Variants in NAALADL2 observed in about 807,000 individuals in gnomAD.
NAALADL2 encodes N-acetylated alpha-linked acidic dipeptidase like 2.
In NAALADL2, 76 loss-of-function variants were observed where a neutral mutation model predicts 87.2. That is an observed-to-expected ratio of 0.87 (90% confidence interval 0.72 to 1.05). NAALADL2 has a LOEUF of 1.05. NAALADL2 is among the 50% of genes least tolerant of loss of function. The pLI is 0.00. For missense variants in NAALADL2, 1,089 were observed against 945.8 expected, an observed-to-expected ratio of 1.15 and a Z score of -1.99; for synonymous variants, 354 against 331.0, an observed-to-expected ratio of 1.07 and a Z score of -0.75.
chr3:174,732,749 T>G (rs1168952510), intron 2 of NAALADL2, among the ~76,000 whole-genome samples: 3 of 152,144 alleles, frequency 2.0e-5, no homozygotes, highest in African/African-American at 7.2e-5. Context: ...AGAAGACTGT[T>G]TTAGAAAAAG....
intron 3 of NAALADL2, among the ~76,000 whole-genome samples, chr3:174,840,112 C>G (rs780950917): frequency 1.8e-4 from 27 of 151,450 alleles, no homozygotes; most frequent in Non-Finnish European, 2.5e-4. Context: ...AAATGCCCAT[C>G]AATCAACGAG....
chr3:175,495,653 T>C (rs1251331456), intron 9 of NAALADL2, among the ~76,000 whole-genome samples: 1 of 152,140 alleles, frequency 6.6e-6, no homozygotes, highest in African/African-American at 2.4e-5. Flanking sequence ...GCACACACTT[T>C]ATCGTCATTT....
At chr3:175,335,888 A>G (rs1761919197) in intron 5 of NAALADL2, among the ~76,000 whole-genome samples, 1 of 152,206 alleles carries the variant, frequency 6.6e-6, no homozygotes, top group African/African-American at 2.4e-5. Flanking sequence ...ATTTTTAAGT[A>G]AATTAAAAGT....
chr3:175,725,648 G>A (rs1583024572), intron 11 of NAALADL2, among the ~76,000 whole-genome samples: 1 of 152,136 alleles, frequency 6.6e-6, no homozygotes, highest in East Asian at 1.9e-4. Context: ...AATTTCAAAG[G>A]TGCTAATTAG....
intron 4 of NAALADL2, among the ~76,000 whole-genome samples, chr3:175,321,708 G>A (rs866506778): frequency 0.034 from 4,332 of 128,498 alleles, 228 homozygotes; most frequent in African/African-American, 0.13. Flanking sequence ...CAAACAGAGA[G>A]CCAAATCATG....
At chr3:175,563,971 T>C (rs1411486061) in intron 9 of NAALADL2, among the ~76,000 whole-genome samples, 1 of 152,192 alleles carries the variant, frequency 6.6e-6, no homozygotes, top group African/African-American at 2.4e-5. Context: ...TTTAAGGTTA[T>C]GCGATGATGC....
chr3:175,417,996 A>G lies in NAALADL2; in HGVS notation c.1091-29233A>G, dbSNP rs1714970237. ...GTGTGGAGTTATGGTGAAAGCAAGCAAAATAAGCAGGACAGGTAAAGTAGG... is the reference window on the plus strand; with the variant it reads ...GTGTGGAGTTATGGTGAAAGCAAGCGAAATAAGCAGGACAGGTAAAGTAGG... On this transcript the variant is annotated intron_variant, in intron 5 of 13. Coordinates refer to ENST00000454872, the MANE Select transcript of NAALADL2 (RefSeq NM_207015.3). Among the ~76,000 whole-genome samples, 4 of 152,106 alleles carry G rather than the reference A, an allele frequency of 2.6e-5. No homozygotes were observed. In the South Asian group the frequency reaches 8.3e-4, roughly 31 times the overall value.
At chr3:175,106,058 T>G (rs1028348508) in intron 2 of NAALADL2, among the ~76,000 whole-genome samples, 10 of 152,040 alleles carry the variant, frequency 6.6e-5, no homozygotes, top group Non-Finnish European at 1.2e-4. Flanking sequence ...AATGGTCAAG[T>G]TCAAAGGATT....
chr3:174,617,774 G>T (rs1011004466), intron 2 of NAALADL2, among the ~76,000 whole-genome samples: 3 of 151,686 alleles, frequency 2.0e-5, no homozygotes, highest in African/African-American at 7.2e-5. Context: ...ATTTACCAAG[G>T]ATAATTTATA....
At chr3:175,652,224 C>T (rs1437851713) in intron 11 of NAALADL2, among the ~76,000 whole-genome samples, 1 of 152,082 alleles carries the variant, frequency 6.6e-6, no homozygotes, top group African/African-American at 2.4e-5. Context: ...CTAGTATCCC[C>T]TTTTCAGACA....
At chr3:175,755,068 C>CA (rs879131188) in intron 12 of NAALADL2, among the ~76,000 whole-genome samples, 152 bp from the exon 13 acceptor site, 23 of 150,378 alleles carry the variant, frequency 1.5e-4, no homozygotes, top group South Asian at 8.4e-4. Context: ...TGTCAAGTGA[C>CA]AAAAAAAAAG....
At chr3:174,984,513 T>C (rs1033590358) in intron 1 of NAALADL2, among the ~76,000 whole-genome samples, 1 of 152,160 alleles carries the variant, frequency 6.6e-6, no homozygotes, top group African/African-American at 2.4e-5. Context: ...TTATTGTCAG[T>C]GCAAAACCCA....
intron 2 of NAALADL2, among the ~76,000 whole-genome samples, chr3:175,233,687 C>T (rs774331218): frequency 6.6e-6 from 1 of 152,104 alleles, no homozygotes; most frequent in Non-Finnish European, 1.5e-5. Flanking sequence ...ATCCTCCCTC[C>T]TTAGCATCCT....
chr3:174,758,215 T>C (rs1712399460), intron 3 of NAALADL2, among the ~76,000 whole-genome samples: 1 of 152,226 alleles, frequency 6.6e-6, no homozygotes, highest in Admixed American at 6.5e-5. Flanking sequence ...CGTTTTAGAA[T>C]ATTTTCTTTC....
intron 1 of NAALADL2, among the ~76,000 whole-genome samples, chr3:175,011,237 A>G (rs1459065397): frequency 6.9e-6 from 1 of 145,934 alleles, no homozygotes; most frequent in African/African-American, 2.7e-5. Flanking sequence ...TCAGCCACAG[A>G]GAGAGGGAGA....
chr3:175,111,217 C>T (rs941311230), intron 2 of NAALADL2, among the ~76,000 whole-genome samples: 7 of 151,562 alleles, frequency 4.6e-5, no homozygotes, highest in African/African-American at 1.7e-4. Context: ...AAGTCTGGGT[C>T]TGGAAAATGA....
At chr3:174,510,707 T>A (rs1251886160) in intron 1 of NAALADL2, among the ~76,000 whole-genome samples, 2 of 151,196 alleles carry the variant, frequency 1.3e-5, no homozygotes, top group Non-Finnish European at 1.5e-5. Context: ...GATTTCTGCT[T>A]TCACCTTTAT....
At chr3:175,158,701 A>T (rs1428233855) in intron 2 of NAALADL2, among the ~76,000 whole-genome samples, 1 of 152,042 alleles carries the variant, frequency 6.6e-6, no homozygotes, top group South Asian at 2.1e-4. Context: ...GTAAATAGCA[A>T]TTTTTTTGCA....
intron 2 of NAALADL2, among the ~76,000 whole-genome samples, chr3:174,576,327 A>G (rs901353383): frequency 3.9e-5 from 6 of 152,200 alleles, no homozygotes; most frequent in Non-Finnish European, 8.8e-5. Context: ...GTTAAAGGAT[A>G]CTTTTGATTT....
Sources: gnomAD v4.1 joint callset for allele counts (sites outside exome capture counted in the v4.1 genomes callset) on GRCh38, gnomAD v4.1.1 for gene constraint, MANE v1.5 for transcripts, NCBI Gene and HGNC (gene_info 2026-07-23, HGNC 2026-07-21) for gene names.